Variants in SOX6 observed in about 807,000 individuals in gnomAD.
SOX6 encodes the protein transcription factor SOX-6.
In SOX6, 11 loss-of-function variants were observed where a neutral mutation model predicts 97.8. That is an observed-to-expected ratio of 0.11 (90% CI 0.07 to 0.19). The LOEUF is 0.19. SOX6 is among the 10% of genes least tolerant of loss of function. SOX6 has a pLI of 1.00. For missense variants in SOX6, 810 were observed against 1,039.5 expected (o/e 0.78, Z 3.04); for synonymous variants, 360 against 371.4 (o/e 0.97, Z 0.35).
At chr11:16,436,571 C>G (rs769440470) in intron 1 of SOX6, among the ~76,000 whole-genome samples, 2 of 152,154 alleles carry the variant, frequency 1.3e-5, no homozygotes, top group African/African-American at 2.4e-5. Context: ...ATCATGTACA[C>G]CTAATTTTAA....
intron 2 of SOX6, among the ~76,000 whole-genome samples, chr11:16,733,910 C>A (rs1204618920): frequency 6.6e-6 from 1 of 151,262 alleles, no homozygotes; most frequent in East Asian, 1.9e-4. Context: ...ACCTGTAGTC[C>A]CAGCTACTCA....
At chr11:16,402,743 G>A in intron 1 of SOX6, 7 of 1,609,616 alleles carry the variant, frequency 4.3e-6, no homozygotes, top group Non-Finnish European at 5.9e-6. Flanking sequence ...TGACTTAGGG[G>A]CTGGCTAGAA....
At chr11:16,647,560 C>T (rs983673613) in intron 3 of SOX6, among the ~76,000 whole-genome samples, 2 of 152,108 alleles carry the variant, frequency 1.3e-5, no homozygotes, top group Non-Finnish European at 2.9e-5. Flanking sequence ...GAGACTCACA[C>T]CCTGATCTTT....
At chr11:16,271,525 C>T (rs1427328302) in intron 3 of SOX6, among the ~76,000 whole-genome samples, 1 of 151,398 alleles carries the variant, frequency 6.6e-6, no homozygotes, top group Non-Finnish European at 1.5e-5. Context: ...TGATAACTTT[C>T]TTTATCTCCT....
At chr11:16,592,309 G>A (rs1001133043) in intron 4 of SOX6, among the ~76,000 whole-genome samples, 11 of 148,292 alleles carry the variant, frequency 7.4e-5, no homozygotes, top group Admixed American at 2.7e-4. Flanking sequence ...TATCTAGAAT[G>A]CCTAAGATCT....
chr11:16,007,113 T>G (rs1854578099), intron 13 of SOX6, among the ~76,000 whole-genome samples: 1 of 152,236 alleles, frequency 6.6e-6, no homozygotes, highest in African/African-American at 2.4e-5. Flanking sequence ...TGGGGATACC[T>G]TCTGAGAAAT....
At chr11:16,143,423 C>T (rs1464286948) in intron 6 of SOX6, among the ~76,000 whole-genome samples, 1 of 152,142 alleles carries the variant, frequency 6.6e-6, no homozygotes, top group Non-Finnish European at 1.5e-5. Flanking sequence ...ATCATCAAGG[C>T]TAGGAAGAAA....
At chr11:16,059,626 C>A (rs1298266188) in intron 9 of SOX6, among the ~76,000 whole-genome samples, 3 of 151,900 alleles carry the variant, frequency 2.0e-5, no homozygotes, top group African/African-American at 7.2e-5. Context: ...TTCTTTGGAA[C>A]AATTTTTCTA....
At chr11:16,622,028 G>A (rs77928614) in intron 3 of SOX6, among the ~76,000 whole-genome samples, 1,708 of 152,144 alleles carry the variant, frequency 0.011, 24 homozygotes, top group African/African-American at 0.039. Context: ...GTCATCTTGT[G>A]GATGCCTTTT....
At chr11:16,601,638 A>G (rs1319436497) in intron 4 of SOX6, among the ~76,000 whole-genome samples, 1 of 152,164 alleles carries the variant, frequency 6.6e-6, no homozygotes, top group Non-Finnish European at 1.5e-5. Flanking sequence ...GCCAATGTAT[A>G]TTATCTTTTT....
intron 4 of SOX6, among the ~76,000 whole-genome samples, chr11:16,520,928 G>C (rs1334826032): frequency 1.3e-5 from 2 of 152,230 alleles, no homozygotes; most frequent in Non-Finnish European, 2.9e-5. Context: ...GCTGGGGGAG[G>C]GGTGCCCCGC....
In SOX6 at chr11:16,300,045, C is replaced by G. The variant is rs921619248; in HGVS notation, c.445+18401G>C. ...TGTTTACACTGGAGGCAGTTTTCCA[C>G]GAGCACTGCTCAGGGAGGAAGTGAC... On this transcript the variant is annotated intron_variant, in intron 3 of 15. Transcript: ENST00000683767. This position sits in a 1 kb window ranked among gnomAD's most constrained non-coding sequence, Gnocchi z 4.1. Among the ~76,000 whole-genome samples, 6 of 152,108 alleles carry G rather than the reference C, an allele frequency of 3.9e-5. No individual in the cohort carries two copies. The East Asian group carries it at 1.2e-3, about 29-fold the overall frequency.
chr11:16,460,017 G>A (rs942720245), intron 1 of SOX6, among the ~76,000 whole-genome samples: 1 of 151,764 alleles, frequency 6.6e-6, no homozygotes, highest in Non-Finnish European at 1.5e-5. Context: ...CAAAGCACAT[G>A]ATAATCAAAT....
Position 16,579,949 on chromosome 11 carries a change from A to G in SOX6, n.609+32132T>C, listed in dbSNP as rs76466854. ...TTATTATTTACCCTCACCAACACGC[A>G]AGGCATTGTCAGTCTTTTTAATTTT... On this transcript the variant is annotated intron_variant and non_coding_transcript_variant, in intron 4 of 5. Coordinates refer to the SOX6 transcript ENST00000524520. 6.2e-3 allele frequency among the ~76,000 whole-genome samples: 942 copies of G among 152,236 alleles called. 12 individuals are homozygous for G. The highest frequency in any genetic ancestry group is 0.021 in the African/African-American group (854 of 41,564).
At chr11:15,995,165 GAA>G (rs1172682587) in intron 13 of SOX6, among the ~76,000 whole-genome samples, 3 of 152,124 alleles carry the variant, frequency 2.0e-5, no homozygotes, top group Non-Finnish European at 4.4e-5. Context: ...TGGAAAATCT[GAA>G]AAGAGATTTC....
intron 9 of SOX6, among the ~76,000 whole-genome samples, chr11:16,087,946 G>T (rs533424250): frequency 6.6e-6 from 1 of 151,696 alleles, no homozygotes; most frequent in Non-Finnish European, 1.5e-5. Context: ...GTGTTTAGCA[G>T]CATCCTCACC....
intron 6 of SOX6, among the ~76,000 whole-genome samples, chr11:16,120,537 A>G (rs1348607762): frequency 6.7e-6 from 1 of 148,598 alleles, no homozygotes; most frequent in Non-Finnish European, 1.5e-5. Context: ...TTTTAGTTAA[A>G]ACATTAATAA....
At chr11:16,400,970 AG>A (rs1298358973) in intron 1 of SOX6, among the ~76,000 whole-genome samples, 3 of 151,678 alleles carry the variant, frequency 2.0e-5, no homozygotes, top group Non-Finnish European at 4.4e-5. Flanking sequence ...TAAACATTAT[AG>A]TCCATATTTG....
chr11:16,498,138 C>G (rs1860638671), intron 4 of SOX6, among the ~76,000 whole-genome samples: 1 of 152,196 alleles, frequency 6.6e-6, no homozygotes, highest in African/African-American at 2.4e-5. Context: ...ACTCTACAAG[C>G]CAGAAGACAG....
Sources: allele counts gnomAD v4.1 joint callset (sites outside exome capture counted in the v4.1 genomes callset), GRCh38; gene constraint gnomAD v4.1.1; non-coding constraint Gnocchi (gnomAD v3.1); transcripts MANE v1.5; gene names NCBI Gene and HGNC (gene_info 2026-07-23, HGNC 2026-07-21).